Variants in BLTP2 observed in about 807,000 individuals in gnomAD.
BLTP2 encodes the protein bridge-like lipid transfer protein family member 2, also known as U937-associated antigen.
chr17:28,643,401 T>C, the BLTP2 span: 2 of 1,528,198 alleles, frequency 1.3e-6, no homozygotes, highest in Non-Finnish European at 1.8e-6. Flanking sequence ...TCATCCTTCC[T>C]AGAAATATAG....
At chr17:28,615,848 T>C in the BLTP2 span, 3 of 1,598,786 alleles carry the variant, frequency 1.9e-6, no homozygotes, top group Admixed American at 3.4e-5. Context: ...GGGGAATACA[T>C]CAGCTGCCAT....
At chr17:28,638,120 T>C in the BLTP2 span, 1 of 1,609,720 alleles carries the variant, frequency 6.2e-7, no homozygotes, top group Non-Finnish European at 8.5e-7. Flanking sequence ...ACGGATCCCA[T>C]TAGAAGTATG....
chr17:28,638,355 A>T, the BLTP2 span: 5 of 1,614,062 alleles, frequency 3.1e-6, no homozygotes, highest in Non-Finnish European at 4.2e-6. Flanking sequence ...ACGCCAGCAG[A>T]GGTGGTCCAC....
the BLTP2 span, chr17:28,635,636 G>T: frequency 1.3e-6 from 2 of 1,581,330 alleles, no homozygotes; most frequent in Admixed American, 3.6e-5. Context: ...AAAAGGATCT[G>T]TCAATTACCA....
chr17:28,638,660 A>G, the BLTP2 span: 1 of 1,429,296 alleles, frequency 7.0e-7, no homozygotes, highest in Admixed American at 1.9e-5. Context: ...GGAACAAGAC[A>G]TCATTGTTTG....
the BLTP2 span, chr17:28,628,349 G>A: frequency 9.9e-6 from 16 of 1,614,144 alleles, no homozygotes; most frequent in South Asian, 3.3e-5. Flanking sequence ...GGGACACCCC[G>A]CTTTGGCTTT....
chr17:28,634,781 C>T, the BLTP2 span: 2 of 1,613,932 alleles, frequency 1.2e-6, no homozygotes, highest in East Asian at 4.5e-5. Flanking sequence ...TCCAAAGAGG[C>T]ATAGAGCTCC....
At chr17:28,634,154 T>C in the BLTP2 span, 3 of 1,343,078 alleles carry the variant, frequency 2.2e-6, no homozygotes, top group East Asian at 4.7e-5. Flanking sequence ...GCCTATCTTT[T>C]TCCTCACCAC....
At chr17:28,642,475 C>G in the BLTP2 span, 2 of 690,324 alleles carry the variant, frequency 2.9e-6, no homozygotes, top group South Asian at 3.2e-5. Context: ...CACGGTGAAA[C>G]CTCATCTCTA....
the BLTP2 span, chr17:28,634,774 A>G: frequency 6.2e-7 from 1 of 1,614,088 alleles, no homozygotes; most frequent in South Asian, 1.1e-5. Flanking sequence ...TTTGCGTTCC[A>G]AAGAGGCATA....
chr17:28,627,278 T>C, the BLTP2 span, among the ~76,000 whole-genome samples: 131 of 152,312 alleles, frequency 8.6e-4, no homozygotes, highest in Middle Eastern at 3.4e-3. Flanking sequence ...TCCCTCTGCA[T>C]TGATTGCCCT....
At chr17:28,638,432 A>C in the BLTP2 span, 4 of 1,611,438 alleles carry the variant, frequency 2.5e-6, no homozygotes, top group African/African-American at 1.3e-5. Flanking sequence ...AAAGGTGAGA[A>C]AGAGGGATTG....
the BLTP2 span, chr17:28,633,636 C>A: frequency 1.2e-6 from 2 of 1,613,976 alleles, no homozygotes; most frequent in Non-Finnish European, 1.7e-6. Context: ...CCCACCAGGG[C>A]AAAGGTGGGC....
At chr17:28,615,623 C>T in the BLTP2 span, 13 of 1,595,790 alleles carry the variant, frequency 8.1e-6, no homozygotes, top group Non-Finnish European at 1.1e-5. Flanking sequence ...ATCTGCCTGC[C>T]AGCCCCATTA....
chr17:28,614,566 T>C, the BLTP2 span: 18 of 173,658 alleles, frequency 1.0e-4, no homozygotes, highest in Middle Eastern at 5.6e-3. Context: ...TCCTCCCAAG[T>C]GAACTTAGCA....
chr17:28,641,977 T>A, the BLTP2 span: 1 of 1,614,012 alleles, frequency 6.2e-7, no homozygotes, highest in Non-Finnish European at 8.5e-7. Flanking sequence ...CAGCATGGAG[T>A]GTCCACACAT....
chr17:28,621,608 C>G, the BLTP2 span: 2 of 752,616 alleles, frequency 2.7e-6, no homozygotes, highest in East Asian at 5.3e-5. Context: ...CTATCTGGAC[C>G]TCCACTGCAT....
chr17:28,625,762 A>C, the BLTP2 span, among the ~76,000 whole-genome samples: 1 of 151,914 alleles, frequency 6.6e-6, no homozygotes, highest in Non-Finnish European at 1.5e-5. Context: ...TCTAGCCCTC[A>C]ATGCTTTTTT....
At chr17:28,618,836 C>T in the BLTP2 span, 3 of 1,614,084 alleles carry the variant, frequency 1.9e-6, no homozygotes, top group Non-Finnish European at 2.5e-6. Flanking sequence ...CAATTCCCAG[C>T]TGTCCATCTT....
Sources: allele counts gnomAD v4.1 joint callset (sites outside exome capture counted in the v4.1 genomes callset), GRCh38; gene constraint gnomAD v4.1.1; transcripts MANE v1.5; gene names NCBI Gene and HGNC (gene_info 2026-07-23, HGNC 2026-07-21).